The following RIC8B variants were observed in gnomAD, a reference collection of about 807,000 sequenced individuals.
RIC8B encodes the protein chaperone Ric-8B.
In RIC8B, 16 loss-of-function variants were observed where a neutral mutation model predicts 57.5. That is an observed-to-expected ratio of 0.28 (90% CI 0.19 to 0.42). The LOEUF (loss-of-function observed/expected upper bound fraction) is 0.42. Ranked by LOEUF, RIC8B falls within the 10% of genes least tolerant of loss-of-function variation. RIC8B has a pLI of 1.00. For missense variants in RIC8B, 481 were observed against 677.0 expected (o/e 0.71, Z 3.21); for synonymous variants, 216 against 250.8 (o/e 0.86, Z 1.31).
chr12:106,793,458 G>A (rs917387480), intron 2 of RIC8B, among the ~76,000 whole-genome samples: 2 of 152,220 alleles, frequency 1.3e-5, no homozygotes, highest in Non-Finnish European at 2.9e-5. Context: ...AGTCATTGGA[G>A]ATATAGGTTA....
intron 7 of RIC8B, among the ~76,000 whole-genome samples, chr12:106,857,655 C>T (rs1214685038): frequency 6.6e-6 from 1 of 152,080 alleles, no homozygotes; most frequent in Non-Finnish European, 1.5e-5. Context: ...ATTTTAGAAC[C>T]ACCCAGAAAA....
At chr12:106,880,039 A>G in intron 9 of RIC8B, 1 of 750,810 alleles carries the variant, frequency 1.3e-6, no homozygotes, top group Non-Finnish European at 1.6e-6. Context: ...ATATACATGT[A>G]TCTGACACAT....
chr12:106,827,547 G>A (rs1296778510), intron 4 of RIC8B, among the ~76,000 whole-genome samples: 1 of 152,020 alleles, frequency 6.6e-6, no homozygotes, highest in Non-Finnish European at 1.5e-5. Flanking sequence ...ATTTGATATT[G>A]TACTGAATTT....
chr12:106,802,239 A>G (rs2044764764), intron 2 of RIC8B, among the ~76,000 whole-genome samples: 1 of 152,208 alleles, frequency 6.6e-6, no homozygotes, highest in Non-Finnish European at 1.5e-5. Flanking sequence ...TTTTAGTAAA[A>G]TAGTGGTTAA....
At chr12:106,848,449 C>G (rs1949306064) in intron 6 of RIC8B, among the ~76,000 whole-genome samples, 1 of 152,088 alleles carries the variant, frequency 6.6e-6, no homozygotes, top group African/African-American at 2.4e-5. Flanking sequence ...AAAGGATCAT[C>G]CTAGCCACTA....
intron 1 of RIC8B, among the ~76,000 whole-genome samples, chr12:106,782,044 A>G (rs2043789409): frequency 6.6e-6 from 1 of 151,754 alleles, no homozygotes; most frequent in Admixed American, 6.6e-5. Context: ...TTTATTATCT[A>G]TTTAAAAAAA....
intron 2 of RIC8B, among the ~76,000 whole-genome samples, chr12:106,807,073 CCT>C (rs1356809556): frequency 6.6e-6 from 1 of 152,188 alleles, no homozygotes; most frequent in Non-Finnish European, 1.5e-5. Context: ...AATAGTAAGT[CCT>C]GTCAATTTTC....
At chr12:106,831,249 A>G (rs2046341128) in intron 4 of RIC8B, among the ~76,000 whole-genome samples, 1 of 152,214 alleles carries the variant, frequency 6.6e-6, no homozygotes. Context: ...AGATGGCTCC[A>G]TCTTCTCCAC....
In RIC8B at chr12:106,803,215, C is replaced by CA. The variant is rs55853235; in HGVS notation, c.133-11458dup. Among the ~76,000 whole-genome samples, 783 of 83,168 alleles carry CA rather than the reference C, an allele frequency of 9.4e-3. 7 individuals are homozygous for CA. The highest frequency in any genetic ancestry group is 0.025 in the East Asian group (69 of 2,748). 54.6% of individuals were successfully genotyped at this position (83,168 alleles called of 152,430 possible). A position where few individuals can be genotyped will look rare whatever the true frequency, so the allele number is the denominator to read the frequency against. On this transcript the variant is annotated intron_variant, in intron 2 of 9. Coordinates refer to ENST00000392837, the MANE Select transcript of RIC8B (RefSeq NM_001330145.2). ...TGACAAGAGTGATGATACCCTGTCT[C>CA]AAAAAAAAAAAAAAAAAAAAAAAGC... is the stretch of plus-strand genomic sequence containing the variant.
At chr12:106,776,184 G>T (rs1482982488) in intron 1 of RIC8B, among the ~76,000 whole-genome samples, 1 of 152,122 alleles carries the variant, frequency 6.6e-6, no homozygotes, top group Non-Finnish European at 1.5e-5. Flanking sequence ...TCTTTCTGCC[G>T]TACTGTGTTG....
At chr12:106,777,210 G>C (rs567298971) in intron 1 of RIC8B, among the ~76,000 whole-genome samples, 2 of 152,162 alleles carry the variant, frequency 1.3e-5, no homozygotes, top group Non-Finnish European at 2.9e-5. Context: ...CAGTATAGTA[G>C]GGCTGATTAT....
intron 4 of RIC8B, among the ~76,000 whole-genome samples, chr12:106,834,435 G>A (rs187738925): frequency 6.6e-6 from 1 of 152,292 alleles, no homozygotes; most frequent in African/African-American, 2.4e-5. Context: ...TATGTAAATT[G>A]TAATATGACC....
intron 4 of RIC8B, among the ~76,000 whole-genome samples, chr12:106,840,408 G>A (rs1033497089): frequency 3.4e-4 from 52 of 152,238 alleles, no homozygotes; most frequent in Non-Finnish European, 4.7e-4. Flanking sequence ...GAAAAGGGGA[G>A]TGTAATATAC....
intron 2 of RIC8B, among the ~76,000 whole-genome samples, chr12:106,792,203 G>A (rs1216005): frequency 1 from 151,885 of 152,354 alleles, 75,709 homozygotes; most frequent in East Asian, 1. Context: ...CTTAGGTCTG[G>A]GTTGTATCAT....
chr12:106,842,878 C>T, intron 5 of RIC8B, 61 bp downstream of exon 5: 2 of 952,846 alleles, frequency 2.1e-6, no homozygotes, highest in African/African-American at 1.6e-5. Flanking sequence ...ATGTGCCATA[C>T]ATACAGACAC....
intron 4 of RIC8B, among the ~76,000 whole-genome samples, chr12:106,833,652 G>A (rs1343092088): frequency 6.6e-6 from 1 of 152,084 alleles, no homozygotes; most frequent in Non-Finnish European, 1.5e-5. Flanking sequence ...TTTATGTTCT[G>A]CACACTTACT....
At chr12:106,870,776 G>A in intron 8 of RIC8B, 47 bp from the exon 9 acceptor site, 2 of 1,398,268 alleles carry the variant, frequency 1.4e-6, no homozygotes, top group South Asian at 1.7e-5. Flanking sequence ...AGTATAGAAA[G>A]AGCATAATTT....
intron 2 of RIC8B, among the ~76,000 whole-genome samples, chr12:106,784,683 A>G (rs1381479220): frequency 1.3e-5 from 2 of 152,060 alleles, no homozygotes; most frequent in Non-Finnish European, 2.9e-5. Flanking sequence ...GTCTTGCTGT[A>G]CTCCGTACAT....
At chr12:106,872,931 C>T (rs1950506139) in intron 9 of RIC8B, 3 of 671,354 alleles carry the variant, frequency 4.5e-6, no homozygotes, top group African/African-American at 2.0e-5. Context: ...CAGTATAATC[C>T]AGATACTTGG....
Sources: gnomAD v4.1 joint callset for allele counts (sites outside exome capture counted in the v4.1 genomes callset) on GRCh38, gnomAD v4.1.1 for gene constraint, MANE v1.5 for transcripts, NCBI Gene and HGNC (gene_info 2026-07-23, HGNC 2026-07-21) for gene names.